The following OXR1 variants were observed in gnomAD, a reference collection of about 807,000 sequenced individuals.
The protein encoded by OXR1 is oxidation resistance 1, also known as oxidation resistance protein 1.
A neutral mutation model predicts 104.6 loss-of-function variants in OXR1; 41 were observed. The observed-to-expected ratio is 0.39, with a 90% confidence interval of 0.31 to 0.51. OXR1 has a LOEUF of 0.51. OXR1 is among the 20% of genes least tolerant of loss of function. OXR1 has a pLI of 0.77. For missense variants in OXR1, 955 were observed against 1,031.9 expected (o/e 0.93, Z 1.02); for synonymous variants, 348 against 348.4 (o/e 1.00, Z 0.01).
intron 16 of OXR1, among the ~76,000 whole-genome samples, chr8:106,747,285 A>G (rs959297704): frequency 6.6e-6 from 1 of 152,244 alleles, no homozygotes; most frequent in African/African-American, 2.4e-5. Context: ...TAGAGAGATT[A>G]TAAGGAATTC....
intron 2 of OXR1, among the ~76,000 whole-genome samples, chr8:106,468,809 A>G (rs1230929065): frequency 6.6e-6 from 1 of 151,884 alleles, no homozygotes; most frequent in Non-Finnish European, 1.5e-5. Context: ...AAGAGAAAGT[A>G]CATTTTAGGG....
At chr8:106,640,211 T>C (rs951570808) in intron 3 of OXR1, among the ~76,000 whole-genome samples, 3 of 152,002 alleles carry the variant, frequency 2.0e-5, no homozygotes, top group Admixed American at 6.6e-5. Flanking sequence ...ATGAAAATAG[T>C]TCATATTTAT....
chr8:106,381,216 GAC>G (rs1366208002), intron 2 of OXR1, among the ~76,000 whole-genome samples: 2 of 152,092 alleles, frequency 1.3e-5, no homozygotes, highest in Non-Finnish European at 2.9e-5. Context: ...AATTATTGGT[GAC>G]ACAGTTTCTC....
intron 1 of OXR1, among the ~76,000 whole-genome samples, chr8:106,291,789 A>G (rs892748185): frequency 6.6e-6 from 1 of 152,172 alleles, no homozygotes; most frequent in Non-Finnish European, 1.5e-5. Context: ...CAGAAGGCAA[A>G]GGAGAAGCAA....
chr8:106,440,040 T>A (rs1178541230), intron 2 of OXR1, among the ~76,000 whole-genome samples: 1 of 152,064 alleles, frequency 6.6e-6, no homozygotes, highest in East Asian at 1.9e-4. Context: ...GAATTGACCT[T>A]TTATTTCATC....
At chr8:106,728,621 T>G (rs973305524) in intron 11 of OXR1, among the ~76,000 whole-genome samples, 2 of 152,196 alleles carry the variant, frequency 1.3e-5, no homozygotes, top group African/African-American at 4.8e-5. Context: ...ATGCTTAAGT[T>G]TTGTTATCTT....
chr8:106,611,033 C>A (rs1820775169), intron 3 of OXR1, among the ~76,000 whole-genome samples: 1 of 152,074 alleles, frequency 6.6e-6, no homozygotes, highest in Admixed American at 6.6e-5. Flanking sequence ...AACTTAGATT[C>A]TAATAGAGGT....
chr8:106,326,270 G>A (rs76814897), intron 1 of OXR1, among the ~76,000 whole-genome samples: 158 of 152,254 alleles, frequency 1.0e-3, no homozygotes, highest in Non-Finnish European at 1.6e-3. Flanking sequence ...AGTGTGTTGC[G>A]TAGAAAACAA....
At chr8:106,544,274 G>A (rs1273093036) in intron 3 of OXR1, among the ~76,000 whole-genome samples, 1 of 150,146 alleles carries the variant, frequency 6.7e-6, no homozygotes, top group African/African-American at 2.5e-5. Context: ...GGAGGCAGAT[G>A]TGCAACACAC....
At chr8:106,596,330 C>T (rs1819524471) in intron 3 of OXR1, among the ~76,000 whole-genome samples, 1 of 151,884 alleles carries the variant, frequency 6.6e-6, no homozygotes, top group Admixed American at 6.6e-5. Flanking sequence ...TCTGTAATCC[C>T]TGCTACTTGG....
intron 2 of OXR1, among the ~76,000 whole-genome samples, chr8:106,450,277 G>A (rs1621663): frequency 0.51 from 77,592 of 152,000 alleles, 22,556 homozygotes; most frequent in African/African-American, 0.79. Flanking sequence ...ATGTCTGGAT[G>A]CCTCCCAAGT....
At chr8:106,573,490 A>G (rs1817621317) in intron 3 of OXR1, among the ~76,000 whole-genome samples, 2 of 152,216 alleles carry the variant, frequency 1.3e-5, no homozygotes, top group Admixed American at 6.5e-5. Flanking sequence ...TCTGCTAAAA[A>G]AGCTCAGAAA....
intron 3 of OXR1, among the ~76,000 whole-genome samples, chr8:106,535,144 T>C (rs1277636460): frequency 6.6e-6 from 1 of 152,138 alleles, no homozygotes; most frequent in Non-Finnish European, 1.5e-5. Context: ...TTTGTATTTT[T>C]AGTAGAGACG....
At chr8:106,594,883 G>A (rs538831460) in intron 3 of OXR1, among the ~76,000 whole-genome samples, 2 of 152,170 alleles carry the variant, frequency 1.3e-5, no homozygotes, top group Admixed American at 6.5e-5. Flanking sequence ...AAATTGGCAG[G>A]GGAATTGTTG....
intron 3 of OXR1, among the ~76,000 whole-genome samples, chr8:106,647,711 T>A (rs1824200952): frequency 6.6e-6 from 1 of 152,186 alleles, no homozygotes; most frequent in East Asian, 1.9e-4. Context: ...GAAATTTGAG[T>A]GCTGACTTCT....
At chr8:106,649,440 GCATGTA>G (rs1824362853) in intron 3 of OXR1, among the ~76,000 whole-genome samples, 1 of 151,062 alleles carries the variant, frequency 6.6e-6, no homozygotes, top group African/African-American at 2.4e-5. Flanking sequence ...TTTCCCATAT[GCATGTA>G]CCCAGTTATA....
intron 2 of OXR1, among the ~76,000 whole-genome samples, chr8:106,433,207 A>T (rs1819433165): frequency 6.6e-6 from 1 of 152,102 alleles, no homozygotes; most frequent in African/African-American, 2.4e-5. Flanking sequence ...TGGAGATTGA[A>T]TCATAGGGGG....
At chr8:106,683,416 T>C (rs1186726624) in intron 5 of OXR1, 110 bp downstream of exon 5, 4 of 517,560 alleles carry the variant, frequency 7.7e-6, no homozygotes, top group East Asian at 2.9e-5. Context: ...TAATTTTATA[T>C]GTGCTTTTAA....
At chr8:106,417,003 G>A (rs1818708521) in intron 2 of OXR1, among the ~76,000 whole-genome samples, 1 of 152,046 alleles carries the variant, frequency 6.6e-6, no homozygotes, top group Non-Finnish European at 1.5e-5. Flanking sequence ...AAAGAAACAA[G>A]GTTGATGCAT....
Sources: allele counts gnomAD v4.1 joint callset (sites outside exome capture counted in the v4.1 genomes callset), GRCh38; gene constraint gnomAD v4.1.1; transcripts MANE v1.5; gene names NCBI Gene and HGNC (gene_info 2026-07-23, HGNC 2026-07-21).